Variants in RPS6KA6 observed in about 807,000 individuals in gnomAD.
RPS6KA6 encodes the protein ribosomal protein S6 kinase A6.
RPS6KA6 carries 27 observed loss-of-function variants against 65.4 expected under a neutral mutation model. The observed-to-expected ratio is 0.41, with a 90% CI of 0.30 to 0.57. RPS6KA6 has a LOEUF of 0.57. Among genes scored for constraint, RPS6KA6 ranks in the 20% least tolerant of loss-of-function variants. RPS6KA6 has a pLI of 0.24. For synonymous variants in RPS6KA6, 190 were observed against 184.2 expected, an observed-to-expected ratio of 1.03 and a Z score of -0.26; for missense variants, 486 against 555.6, an observed-to-expected ratio of 0.87 and a Z score of 1.26.
chrX:84,137,175 TC>T (rs1303821347), intron 6 of RPS6KA6, among the ~76,000 whole-genome samples: 18 of 111,896 alleles, frequency 1.6e-4, no homozygotes, highest in African/African-American at 5.5e-4. Context: ...TGTGAATGTG[TC>T]CATGTGTATT....
At chrX:84,105,448 A>C (rs1025110091) in intron 16 of RPS6KA6, among the ~76,000 whole-genome samples, 2 of 111,213 alleles carry the variant, frequency 1.8e-5, no homozygotes, top group Non-Finnish European at 3.8e-5. Flanking sequence ...ATATTCAAGA[A>C]TTTGGCAGAT....
intron 4 of RPS6KA6, among the ~76,000 whole-genome samples, chrX:84,147,397 C>A (rs1208565196): frequency 9.0e-6 from 1 of 111,397 alleles, no homozygotes; most frequent in East Asian, 2.8e-4. Flanking sequence ...ACCTCCACCT[C>A]CCAGGCTCAA....
chrX:84,183,527 T>C (rs1311121539), intron 1 of RPS6KA6, among the ~76,000 whole-genome samples: 1 of 111,583 alleles, frequency 9.0e-6, no homozygotes, highest in Non-Finnish European at 1.9e-5. Flanking sequence ...TGAGATAAAA[T>C]TGAACCCTTA....
At chrX:84,134,761 A>C (rs760336416) in intron 8 of RPS6KA6, 21 bp downstream of exon 8, 3 of 1,045,063 alleles carry the variant, frequency 2.9e-6, no homozygotes, top group East Asian at 6.3e-5. Flanking sequence ...GGCTAAGGGT[A>C]TAATAAGAAA....
At chrX:84,185,655 C>T (rs2035918519) in intron 1 of RPS6KA6, among the ~76,000 whole-genome samples, 1 of 111,555 alleles carries the variant, frequency 9.0e-6, no homozygotes, top group Non-Finnish European at 1.9e-5. Context: ...CAGAAATGGA[C>T]GGAAATTATT....
chrX:84,150,152 G>T (rs1263363301), intron 3 of RPS6KA6, among the ~76,000 whole-genome samples: 1 of 111,644 alleles, frequency 9.0e-6, no homozygotes, highest in Admixed American at 9.6e-5. Context: ...ACCTCTCTCA[G>T]CCTTCACAGA....
chrX:84,149,593 G>A (rs140597426), intron 3 of RPS6KA6, among the ~76,000 whole-genome samples: 194 of 111,653 alleles, frequency 1.7e-3, no homozygotes, highest in African/African-American at 6.1e-3. Flanking sequence ...GGGTAACTAG[G>A]AGTATTGCCA....
intron 1 of RPS6KA6, among the ~76,000 whole-genome samples, chrX:84,171,879 G>A (rs962161387): frequency 9.1e-6 from 1 of 110,338 alleles, no homozygotes; most frequent in Admixed American, 9.7e-5. Flanking sequence ...TCCCCTCCCT[G>A]TGTCCATGTG....
chrX:84,116,057 A>G (rs1051781409), intron 12 of RPS6KA6, among the ~76,000 whole-genome samples, 172 bp downstream of exon 12: 1 of 111,479 alleles, frequency 9.0e-6, no homozygotes, highest in Non-Finnish European at 1.9e-5. Flanking sequence ...ACATCCACGG[A>G]AAAAACCCAC....
At chrX:84,097,108 G>A (rs1270343414) in intron 19 of RPS6KA6, among the ~76,000 whole-genome samples, 2 of 110,950 alleles carry the variant, frequency 1.8e-5, no homozygotes, top group Non-Finnish European at 3.8e-5. Context: ...ATATGTCTAA[G>A]TACATTATAA....
At position 84,120,008 on chromosome X, in the gene RPS6KA6, C is replaced by T; in HGVS notation, c.666G>A (p.Glu222=). 2 of 1,180,539 alleles carry T rather than the reference C, an allele frequency of 1.7e-6. No individual in the cohort carries two copies. Among genetic ancestry groups the T allele is most frequent in the Non-Finnish European group, 2.3e-6 (2 of 880,569 alleles). The change falls in exon 9 of 22, where the codon GAG becomes GAA. Residue 222 remains glutamate (E), a synonymous_variant. Transcript: ENST00000262752. ...AAGCCTTCTTTTCTTGATCTACTGACTCCTTGCTGAGTCCAAAATCTATAA... is the reference window on the plus strand; with the variant it reads ...AAGCCTTCTTTTCTTGATCTACTGATTCCTTGCTGAGTCCAAAATCTATAA... ...IKLTDFGLSK[E]SVDQEKKAYS... is the part of the protein sequence containing the mutation.
At chrX:84,170,970 G>A (rs938499685) in intron 1 of RPS6KA6, among the ~76,000 whole-genome samples, 4 of 111,237 alleles carry the variant, frequency 3.6e-5, no homozygotes, top group East Asian at 5.7e-4. Flanking sequence ...TCCCCATAAC[G>A]AGGGACTGTG....
chrX:84,154,813 T>C (rs769879208), intron 3 of RPS6KA6, among the ~76,000 whole-genome samples: 5 of 111,811 alleles, frequency 4.5e-5, no homozygotes, highest in Non-Finnish European at 7.5e-5. Context: ...CTTTTTTGTG[T>C]CCTGAAAATG....
chrX:84,184,860 T>A, intron 1 of RPS6KA6, among the ~76,000 whole-genome samples: 1 of 101,992 alleles, frequency 9.8e-6, no homozygotes, highest in East Asian at 3.3e-4. Flanking sequence ...AAAACTAACT[T>A]GCTTAAATAA....
intron 2 of RPS6KA6, among the ~76,000 whole-genome samples, chrX:84,158,096 A>C (rs1332790880): frequency 9.0e-6 from 1 of 110,559 alleles, no homozygotes; most frequent in Non-Finnish European, 1.9e-5. Flanking sequence ...ATTACACCAC[A>C]TTGATCTCTT....
intron 1 of RPS6KA6, among the ~76,000 whole-genome samples, chrX:84,182,239 C>G (rs764625315): frequency 3.6e-5 from 4 of 110,947 alleles, no homozygotes; most frequent in African/African-American, 1.3e-4. Flanking sequence ...CTCTCTAAAT[C>G]TCTCTCCCAT....
In RPS6KA6 at chrX:84,096,193, C is replaced by G; in HGVS notation, c.1971+1G>C. The G allele has an allele frequency of 9.0e-7, 1 of 1,108,263 alleles. No homozygotes were observed. Among genetic ancestry groups the G allele is most frequent in the Non-Finnish European group, 1.2e-6 (1 of 802,093 alleles). The allele number at this position is 1,108,263 out of a possible 1,213,427, so 91.3% of individuals were successfully genotyped here. A position where few individuals can be genotyped will look rare whatever the true frequency, so the allele number is the denominator to read the frequency against. ...ACAAAACAAAACATTATAATTTATA[C>G]CTTTGCTCCGTCTGAAATATTGTCC... On this transcript the variant is annotated splice_donor_variant, in intron 20 of 21. Coordinates refer to ENST00000262752, the MANE Select transcript of RPS6KA6 (RefSeq NM_014496.5). LOFTEE classifies it high-confidence loss of function.
chrX:84,129,848 G>A (rs1007339676), intron 8 of RPS6KA6, among the ~76,000 whole-genome samples: 44 of 111,110 alleles, frequency 4.0e-4, no homozygotes, highest in Non-Finnish European at 1.3e-4. Context: ...GCTGGGAAGG[G>A]TACGGGGGAA....
intron 20 of RPS6KA6, among the ~76,000 whole-genome samples, chrX:84,066,838 C>T (rs1192339854): frequency 9.0e-6 from 1 of 111,696 alleles, no homozygotes; most frequent in African/African-American, 3.3e-5. Context: ...GGAGAGACCT[C>T]CCAACAGGGG....
Sources: gnomAD v4.1 joint callset for allele counts (sites outside exome capture counted in the v4.1 genomes callset) on GRCh38, gnomAD v4.1.1 for gene constraint, MANE v1.5 for transcripts, NCBI Gene and HGNC (gene_info 2026-07-23, HGNC 2026-07-21) for gene names.